ST6GALNAC2: variants seen among roughly 807,000 people sequenced by gnomAD.
ST6GALNAC2 encodes the protein ST6 N-acetylgalactosaminide alpha-2,6-sialyltransferase 2, also known as alpha-N-acetylgalactosaminide alpha-2,6-sialyltransferase 2.
In ST6GALNAC2, 42 loss-of-function variants were observed where a neutral mutation model predicts 38.7. The ratio of observed to expected loss-of-function variants is 1.09; its 90% CI spans 0.85 to 1.40. The LOEUF is 1.40. Ranked by LOEUF, ST6GALNAC2 falls within the 40% of genes most tolerant of loss-of-function variation. The pLI, the probability that ST6GALNAC2 is intolerant of heterozygous loss-of-function variation, is 0.00. For synonymous variants in ST6GALNAC2, 233 were observed against 209.0 expected, an observed-to-expected ratio of 1.11 and a Z score of -0.99; for missense variants, 506 against 481.7, an observed-to-expected ratio of 1.05 and a Z score of -0.47.
chr17:76,568,321 A>C, intron 7 of ST6GALNAC2: 1 of 230,836 alleles, frequency 4.3e-6, no homozygotes, highest in Non-Finnish European at 8.7e-6. Flanking sequence ...GAGGGAGGGA[A>C]GGGGGTTGAG....
In ST6GALNAC2 at chr17:76,573,111, C is replaced by A; in HGVS notation, c.530+84G>T. 2.1e-6 allele frequency: 3 copies of A among 1,434,914 alleles called. No individual in the cohort carries two copies. The highest frequency in any genetic ancestry group is 2.8e-6 in the Non-Finnish European group (3 of 1,061,544). 88.9% of individuals were successfully genotyped at this position (1,434,914 alleles called of 1,614,324 possible). ...GCTGAGCCGCCCAGGCCACTGCTGC[C>A]ATAGCCCACTGCCCCTGGGGGAGAC... On this transcript the variant is annotated intron_variant, in intron 4 of 8. Transcript: ENST00000225276. This position sits in a 1 kb window ranked among gnomAD's most constrained non-coding sequence, Gnocchi z 5.1.
At chr17:76,584,052 T>G (rs2075513738) in intron 1 of ST6GALNAC2, among the ~76,000 whole-genome samples, 1 of 149,716 alleles carries the variant, frequency 6.7e-6, no homozygotes, top group Admixed American at 6.7e-5. Flanking sequence ...TCTCCTGACC[T>G]CGTGATCCGC....
rs776675738 is a variant in ST6GALNAC2 at position 76,568,909 on chromosome 17, C to CA, written c.774-114_774-113insT. ...GCCGCGGTACCCTGAGCGGTAGGAG[C>CA]GGGGCTGGGAGTAGTAGCGGGAGAA... is the stretch of plus-strand genomic sequence containing the variant. On this transcript the variant is annotated intron_variant, in intron 6 of 8. Coordinates refer to ENST00000225276, the MANE Select transcript of ST6GALNAC2 (RefSeq NM_006456.3). 7 of 975,390 alleles carry CA rather than the reference C, an allele frequency of 7.2e-6. No homozygotes were observed. The South Asian group carries it at 9.4e-5, about 13-fold the overall frequency. 60.4% of individuals were successfully genotyped at this position (975,390 alleles called of 1,614,324 possible). A position where few individuals can be genotyped will look rare whatever the true frequency, so the allele number is the denominator to read the frequency against.
intron 2 of ST6GALNAC2, among the ~76,000 whole-genome samples, chr17:76,577,057 T>TTTTTTC: frequency 8.2e-5 from 2 of 24,256 alleles, no homozygotes; most frequent in Admixed American, 9.4e-4. Flanking sequence ...ACAAATTCTT[T>TTTTTTC]TTTTTCTTTT....
At chr17:76,577,469 G>C (rs985511832) in intron 2 of ST6GALNAC2, among the ~76,000 whole-genome samples, 2 of 152,072 alleles carry the variant, frequency 1.3e-5, no homozygotes, top group Non-Finnish European at 2.9e-5. Context: ...CAAGGCTCAA[G>C]GTGGAAAAGA....
rs1429709692 is a variant in ST6GALNAC2 at position 76,567,365 on chromosome 17, TC to T, written c.957+87del. On this transcript the variant is annotated intron_variant, in intron 8 of 8. Coordinates refer to ENST00000225276, the MANE Select transcript of ST6GALNAC2 (RefSeq NM_006456.3). ...ACGAACAGAGGCCAAGAGTCCCAGCTCCGAGGTAAGGGATATCAGGGGATCC... is the reference window on the plus strand; with the variant it reads ...ACGAACAGAGGCCAAGAGTCCCAGCTCGAGGTAAGGGATATCAGGGGATCC... 29 of 948,458 alleles carry T rather than the reference TC, an allele frequency of 3.1e-5. 1 individual carries two copies. The Admixed American group carries it at 5.5e-4, about 18-fold the overall frequency. 58.8% of individuals were successfully genotyped at this position (948,458 alleles called of 1,614,324 possible). A position where few individuals can be genotyped will look rare whatever the true frequency, so the allele number is the denominator to read the frequency against.
At chr17:76,577,573 ATTT>A (rs71158024) in intron 2 of ST6GALNAC2, among the ~76,000 whole-genome samples, 6 of 117,074 alleles carry the variant, frequency 5.1e-5, no homozygotes, top group African/African-American at 3.3e-5. Context: ...TGGCCTCTGT[ATTT>A]TTTTTTTTTT....
At chr17:76,583,245 G>T (rs1305033730) in intron 1 of ST6GALNAC2, among the ~76,000 whole-genome samples, 2 of 151,842 alleles carry the variant, frequency 1.3e-5, no homozygotes, top group Non-Finnish European at 2.9e-5. Flanking sequence ...GCATGGTGGC[G>T]GGCACCTGTA....
At chr17:76,584,367 T>G (rs2075518656) in intron 1 of ST6GALNAC2, among the ~76,000 whole-genome samples, 1 of 152,124 alleles carries the variant, frequency 6.6e-6, no homozygotes, top group Non-Finnish European at 1.5e-5. Context: ...GGATAAGTTT[T>G]GTATTTTTGG....
At chr17:76,575,404 G>A (rs757277482) in intron 2 of ST6GALNAC2, among the ~76,000 whole-genome samples, 15 of 152,186 alleles carry the variant, frequency 9.9e-5, no homozygotes, top group Non-Finnish European at 1.9e-4. Context: ...AATTAGTTAG[G>A]AGGAGGTCAT....
rs747225128 is a variant in ST6GALNAC2 at position 76,585,781 on chromosome 17, A to T, written c.28T>A (p.Trp10Arg). The T allele has an allele frequency of 1.3e-6, 2 of 1,555,262 alleles. No individual in the cohort carries two copies. Among genetic ancestry groups the T allele is most frequent in the Non-Finnish European group, 1.7e-6 (2 of 1,152,518 alleles). ...GCAGCCGTGAGCAGGAGCAGCAGCC[A>T]GAAGAACGACCCGCGCGGGAGCCCC... is the stretch of plus-strand genomic sequence containing the variant. MGLPRGSFFWLLLLLTAACS... is the reference protein window; with the variant it reads MGLPRGSFFRLLLLLTAACS... Residue 10 changes from tryptophan to arginine, a missense_variant, in exon 1 of 9, where the codon TGG (tryptophan) becomes AGG (arginine). Transcript: ENST00000225276.
At chr17:76,584,023 GAAA>G in intron 1 of ST6GALNAC2, among the ~76,000 whole-genome samples, 1 of 9,932 alleles carries the variant, frequency 1.0e-4, no homozygotes, top group South Asian at 3.8e-3. Flanking sequence ...TTAGCCAGGT[GAAA>G]GCCAGGTCAG....
chr17:76,573,163 T>TC lies in ST6GALNAC2; in HGVS notation c.530+31dup. On this transcript the variant is annotated intron_variant, in intron 4 of 8. Transcript: ENST00000225276. This position sits in a 1 kb window ranked among gnomAD's most constrained non-coding sequence, Gnocchi z 5.1. ...CCCCCACCCTCCAGGCAACTCTCCCTCCCGCCCCTCCCCAGCTCCTACCCC... is the reference window on the plus strand; with the variant it reads ...CCCCCACCCTCCAGGCAACTCTCCCTCCCCGCCCCTCCCCAGCTCCTACCCC... 2.4e-6 allele frequency: 2 copies of TC among 850,394 alleles called. No individual in the cohort carries two copies. Among genetic ancestry groups the TC allele is most frequent in the East Asian group, 3.7e-5 (1 of 26,906 alleles). The allele number at this position is 850,394 out of a possible 1,614,324, so 52.7% of individuals were successfully genotyped here.
intron 5 of ST6GALNAC2, chr17:76,570,875 C>T (rs2075346094): frequency 1.8e-6 from 1 of 558,220 alleles, no homozygotes; most frequent in Non-Finnish European, 3.2e-6. Flanking sequence ...ACCCAATTGC[C>T]ATCCCCTGGA....
intron 6 of ST6GALNAC2, 122 bp downstream of exon 6, chr17:76,570,443 T>C: frequency 1.6e-6 from 1 of 642,262 alleles, no homozygotes; most frequent in Non-Finnish European, 2.8e-6. Flanking sequence ...CTTAGGGCTG[T>C]TCTTACTGCC....
chr17:76,566,616 G>A (rs767698914), intron 8 of ST6GALNAC2, among the ~76,000 whole-genome samples: 1 of 152,096 alleles, frequency 6.6e-6, no homozygotes, highest in Non-Finnish European at 1.5e-5. Context: ...CCAACACTGG[G>A]AAGCTGAGGT....
intron 2 of ST6GALNAC2, among the ~76,000 whole-genome samples, chr17:76,577,097 G>A (rs112929127): frequency 0.21 from 27,085 of 127,286 alleles, 2,819 homozygotes; most frequent in Middle Eastern, 0.28. Flanking sequence ...ACGGAGTTTC[G>A]CTCTTGTTGC....
chr17:76,583,649 C>G (rs1261859253), intron 1 of ST6GALNAC2, among the ~76,000 whole-genome samples: 1 of 150,286 alleles, frequency 6.7e-6, no homozygotes, highest in Non-Finnish European at 1.5e-5. Flanking sequence ...CAGGGCTACC[C>G]CATAGGCAGT....
At chr17:76,575,485 C>T (rs570723689) in intron 2 of ST6GALNAC2, among the ~76,000 whole-genome samples, 3 of 152,036 alleles carry the variant, frequency 2.0e-5, no homozygotes, top group East Asian at 1.9e-4. Flanking sequence ...GGGATCTGTG[C>T]GATGCACCAT....
Sources: allele counts gnomAD v4.1 joint callset (sites outside exome capture counted in the v4.1 genomes callset), GRCh38; gene constraint gnomAD v4.1.1; non-coding constraint Gnocchi (gnomAD v3.1); transcripts MANE v1.5; gene names NCBI Gene and HGNC (gene_info 2026-07-23, HGNC 2026-07-21).